SPSB1: variants seen among roughly 807,000 people sequenced by gnomAD.
SPSB1 encodes the protein splA/ryanodine receptor domain and SOCS box containing 1, also known as SPRY domain-containing SOCS box protein 1.
SPSB1 carries 8 observed loss-of-function variants against 21.2 expected under a neutral mutation model. The observed-to-expected ratio is 0.38, with a 90% CI of 0.22 to 0.68. The LOEUF (loss-of-function observed/expected upper bound fraction) is 0.68, where lower values mean the gene tolerates loss of function less well. SPSB1 is among the 30% of genes least tolerant of loss of function. The pLI, the probability that SPSB1 is intolerant of heterozygous loss-of-function variation, is 0.53. For synonymous variants in SPSB1, 169 were observed against 161.7 expected, an observed-to-expected ratio of 1.05 and a Z score of -0.34; for missense variants, 242 against 377.8, an observed-to-expected ratio of 0.64 and a Z score of 2.98.
chr1:9,342,238 G>A (rs963753110), intron 1 of SPSB1, among the ~76,000 whole-genome samples: 2 of 152,182 alleles, frequency 1.3e-5, no homozygotes, highest in African/African-American at 4.8e-5. Context: ...GCAGCACCTG[G>A]CATGAGACAC....
At chr1:9,358,058 A>T (rs998608527) in intron 2 of SPSB1, among the ~76,000 whole-genome samples, 2 of 152,106 alleles carry the variant, frequency 1.3e-5, no homozygotes, top group Non-Finnish European at 2.9e-5. Flanking sequence ...AGGAATACAG[A>T]TGCTGACTCT....
At chr1:9,349,677 C>CT (rs1640219568) in intron 1 of SPSB1, among the ~76,000 whole-genome samples, 1 of 152,366 alleles carries the variant, frequency 6.6e-6, no homozygotes, top group Non-Finnish European at 1.5e-5. Flanking sequence ...AGCATCGACT[C>CT]TTCGATCCAG....
At chr1:9,361,694 C>T (rs370001085) in intron 2 of SPSB1, among the ~76,000 whole-genome samples, 1 of 152,242 alleles carries the variant, frequency 6.6e-6, no homozygotes, top group African/African-American at 2.4e-5. Flanking sequence ...CCTCAAGGCT[C>T]GAGGCACAAG....
chr1:9,294,088 ATGTCTGTGTGTCTTTGTGTG>A (rs1639167436), intron 1 of SPSB1, among the ~76,000 whole-genome samples: 1 of 127,516 alleles, frequency 7.8e-6, no homozygotes, highest in Non-Finnish European at 1.6e-5. Context: ...CTCTCTGTGT[ATGTCTGTGTGTCTTTGTGTG>A]TGTCTGTGTG....
chr1:9,310,820 A>G (rs1639506273), intron 1 of SPSB1, among the ~76,000 whole-genome samples: 1 of 152,150 alleles, frequency 6.6e-6, no homozygotes, highest in Non-Finnish European at 1.5e-5. Flanking sequence ...AGATTTGAAG[A>G]AAGTGCTAAT....
At chr1:9,355,320 C>T (rs1640344743) in intron 1 of SPSB1, among the ~76,000 whole-genome samples, 1 of 152,366 alleles carries the variant, frequency 6.6e-6, no homozygotes, top group Non-Finnish European at 1.5e-5. Context: ...TCCACTTCCC[C>T]TCTGAACCGC....
intron 1 of SPSB1, among the ~76,000 whole-genome samples, chr1:9,301,686 CATG>C (rs961670063): frequency 2.0e-5 from 3 of 152,162 alleles, no homozygotes; most frequent in African/African-American, 7.2e-5. Flanking sequence ...ACAAAGTGGT[CATG>C]GTGGCAGAGA....
At chr1:9,294,268 CTG>C (rs1309820769) in intron 1 of SPSB1, among the ~76,000 whole-genome samples, 2 of 67,426 alleles carry the variant, frequency 3.0e-5, no homozygotes, top group Admixed American at 1.7e-4. Flanking sequence ...ACACGTGTCT[CTG>C]TGTCTGTCTC....
In SPSB1 at chr1:9,367,847, A is replaced by C; in HGVS notation, c.*272A>C. 4.3e-6 allele frequency: 2 copies of C among 470,398 alleles called. No homozygotes were observed. The highest frequency in any genetic ancestry group is 7.6e-6 in the Non-Finnish European group (2 of 263,610). The allele number at this position is 470,398 out of a possible 1,614,324, so 29.1% of individuals were successfully genotyped here. On this transcript the variant is annotated 3_prime_UTR_variant, in exon 3 of 3. Transcript: ENST00000328089. This position sits in a 1 kb window ranked among gnomAD's most constrained non-coding sequence, Gnocchi z 5.9. ...TCTTTGAAAAAAGACACAGAGAATA[A>C]ACTCCTACGAAAGCCCTACATTGAG...
Position 9,311,164 on chromosome 1 carries a change from T to G in SPSB1, c.-150+18093T>G, listed in dbSNP as rs1441197528. ...CTAGACAGCGCAGGATAAAGGGTTT[T>G]TTTTTTTTTTTTTTAATGCCTTCAT... On this transcript the variant is annotated intron_variant, in intron 1 of 2. Coordinates refer to ENST00000328089, the MANE Select transcript of SPSB1 (RefSeq NM_025106.4). 6.7e-5 allele frequency among the ~76,000 whole-genome samples: 10 copies of G among 149,886 alleles called. 1 individual carries two copies. The highest frequency in any genetic ancestry group is 5.3e-4 in the Admixed American group (8 of 15,098).
At chr1:9,301,894 T>G (rs1639336652) in intron 1 of SPSB1, among the ~76,000 whole-genome samples, 1 of 152,254 alleles carries the variant, frequency 6.6e-6, no homozygotes, top group Non-Finnish European at 1.5e-5. Flanking sequence ...GGCAGCGTTT[T>G]GTCCTTACTG....
intron 1 of SPSB1, among the ~76,000 whole-genome samples, chr1:9,303,611 G>A (rs1639367464): frequency 6.6e-6 from 1 of 152,184 alleles, no homozygotes; most frequent in Admixed American, 6.5e-5. Flanking sequence ...TTAAGTTATT[G>A]AGTATCAGAG....
intron 1 of SPSB1, among the ~76,000 whole-genome samples, chr1:9,328,316 AAG>A (rs1353156469): frequency 3.3e-5 from 5 of 152,200 alleles, no homozygotes; most frequent in African/African-American, 7.2e-5. Context: ...GCACTCCAGG[AAG>A]AATGTCCCTT....
intron 1 of SPSB1, among the ~76,000 whole-genome samples, chr1:9,326,230 C>T (rs944771077): frequency 6.6e-6 from 1 of 152,088 alleles, no homozygotes; most frequent in Non-Finnish European, 1.5e-5. Flanking sequence ...GAACCAGCCC[C>T]TGGGACCCTT....
chr1:9,316,587 C>T (rs1350115324), intron 1 of SPSB1, among the ~76,000 whole-genome samples: 1 of 152,104 alleles, frequency 6.6e-6, no homozygotes, highest in Non-Finnish European at 1.5e-5. Flanking sequence ...GGTTCAGGGG[C>T]TGCCATTTAC....
chr1:9,350,470 C>T (rs976247882), intron 1 of SPSB1, among the ~76,000 whole-genome samples: 6 of 152,226 alleles, frequency 3.9e-5, no homozygotes, highest in Admixed American at 1.3e-4. Flanking sequence ...GAATGGAGAG[C>T]AGGCGCCGCC....
chr1:9,333,565 A>T (rs186274813), intron 1 of SPSB1, among the ~76,000 whole-genome samples: 69 of 152,150 alleles, frequency 4.5e-4, no homozygotes, highest in African/African-American at 1.5e-3. Flanking sequence ...TCTTGACCTC[A>T]GGTGATCCGC....
rs535269100 is a variant in SPSB1 at position 9,335,404 on chromosome 1, A to G, written c.-149-20339A>G. 9.9e-5 allele frequency among the ~76,000 whole-genome samples: 15 copies of G among 152,236 alleles called. No individual in the cohort carries two copies. In the East Asian group the frequency reaches 2.5e-3, roughly 26 times the overall value. On this transcript the variant is annotated intron_variant, in intron 1 of 2. Transcript: ENST00000328089. ...GTAATCCCAGTTACTCAGGAGGCTT[A>G]GACAGGAGAATCACTTGAACCCAGG...
chr1:9,364,603 A>G (rs1286363339), intron 2 of SPSB1, among the ~76,000 whole-genome samples: 1 of 152,188 alleles, frequency 6.6e-6, no homozygotes, highest in Admixed American at 6.5e-5. Context: ...TTGACCTTAA[A>G]GAACCCAAGG....
Sources: gnomAD v4.1 joint callset for allele counts (sites outside exome capture counted in the v4.1 genomes callset) on GRCh38, gnomAD v4.1.1 for gene constraint, Gnocchi (gnomAD v3.1) non-coding constraint, MANE v1.5 for transcripts, NCBI Gene and HGNC (gene_info 2026-07-23, HGNC 2026-07-21) for gene names.